RBMS3: variants seen among roughly 807,000 people sequenced by gnomAD.
The protein encoded by RBMS3 is RNA binding motif single stranded interacting protein 3.
In RBMS3, 27 loss-of-function variants were observed where a neutral mutation model predicts 66.8. That is an observed-to-expected ratio of 0.40 (90% confidence interval 0.30 to 0.56). The LOEUF is 0.56. RBMS3 is among the 20% of genes least tolerant of loss of function. RBMS3 has a pLI of 0.40. For missense variants in RBMS3, 513 were observed against 549.5 expected (o/e 0.93, Z 0.66); for synonymous variants, 188 against 183.0 (o/e 1.03, Z -0.22).
intron 4 of RBMS3, among the ~76,000 whole-genome samples, chr3:29,688,258 C>A (rs555721357): frequency 2.0e-5 from 3 of 152,216 alleles, no homozygotes; most frequent in Admixed American, 2.0e-4. Flanking sequence ...GATTTCCTAT[C>A]CCCATTTTCT....
chr3:29,497,688 C>A (rs867444015), intron 3 of RBMS3, among the ~76,000 whole-genome samples: 1 of 152,102 alleles, frequency 6.6e-6, no homozygotes, highest in Non-Finnish European at 1.5e-5. Flanking sequence ...TACCCCATCT[C>A]TCATCTCTCA....
intron 6 of RBMS3, among the ~76,000 whole-genome samples, chr3:29,852,492 G>A (rs1041880315): frequency 6.6e-6 from 1 of 152,036 alleles, no homozygotes; most frequent in African/African-American, 2.4e-5. Context: ...TTAACAAGTG[G>A]GCAAAGGACA....
At chr3:29,961,480 T>C (rs1420043231) in intron 12 of RBMS3, among the ~76,000 whole-genome samples, 1 of 152,232 alleles carries the variant, frequency 6.6e-6, no homozygotes, top group East Asian at 1.9e-4. Flanking sequence ...AGCACCCCAC[T>C]ACACAGTACC....
chr3:29,950,169 C>G (rs375044799), intron 12 of RBMS3, among the ~76,000 whole-genome samples: 1 of 151,806 alleles, frequency 6.6e-6, no homozygotes, highest in Non-Finnish European at 1.5e-5. Flanking sequence ...CCTGGGATGG[C>G]TGGAGATATG....
chr3:29,470,049 C>T (rs1438752185), intron 2 of RBMS3, among the ~76,000 whole-genome samples: 1 of 147,278 alleles, frequency 6.8e-6, no homozygotes, highest in African/African-American at 2.5e-5. Flanking sequence ...GAATAATATA[C>T]TGATTATATT....
At chr3:29,711,052 A>G (rs2053142965) in intron 4 of RBMS3, among the ~76,000 whole-genome samples, 1 of 152,204 alleles carries the variant, frequency 6.6e-6, no homozygotes, top group South Asian at 2.1e-4. Flanking sequence ...GGATGCCTGA[A>G]ATCACAGATA....
At chr3:29,329,231 G>C (rs1287829240) in intron 1 of RBMS3, among the ~76,000 whole-genome samples, 1 of 151,896 alleles carries the variant, frequency 6.6e-6, no homozygotes, top group Non-Finnish European at 1.5e-5. Flanking sequence ...TAACCCTTTT[G>C]GTTTTAGAGC....
At chr3:29,686,043 T>C (rs989046222) in intron 4 of RBMS3, among the ~76,000 whole-genome samples, 2 of 152,198 alleles carry the variant, frequency 1.3e-5, no homozygotes, top group African/African-American at 2.4e-5. Flanking sequence ...GGCAAGCACT[T>C]TACTATGGTA....
intron 1 of RBMS3, among the ~76,000 whole-genome samples, chr3:29,382,574 G>C (rs1034371982): frequency 1.3e-5 from 2 of 152,122 alleles, no homozygotes; most frequent in Admixed American, 1.3e-4. Flanking sequence ...ATTCTTCTAT[G>C]AGCACCGAAG....
chr3:29,387,603 G>A (rs191944358), intron 1 of RBMS3, among the ~76,000 whole-genome samples: 115 of 152,138 alleles, frequency 7.6e-4, no homozygotes, highest in African/African-American at 2.3e-3. Context: ...CAGAGTAAAC[G>A]TTTTAAAATG....
intron 7 of RBMS3, among the ~76,000 whole-genome samples, chr3:29,883,149 A>T (rs1436477282): frequency 6.6e-6 from 1 of 152,134 alleles, no homozygotes; most frequent in Non-Finnish European, 1.5e-5. Context: ...CCATGCTGAC[A>T]GTCCTGGTAA....
intron 6 of RBMS3, among the ~76,000 whole-genome samples, chr3:29,813,951 T>C (rs1187841610): frequency 6.6e-6 from 1 of 152,108 alleles, no homozygotes; most frequent in African/African-American, 2.4e-5. Context: ...CTTCCTCTTT[T>C]CCTAATTGAA....
chr3:29,332,408 T>G (rs2035718000), intron 1 of RBMS3, among the ~76,000 whole-genome samples: 1 of 152,164 alleles, frequency 6.6e-6, no homozygotes, highest in Non-Finnish European at 1.5e-5. Flanking sequence ...TCTCACTCTG[T>G]GTCATCCTCA....
At chr3:29,915,256 G>GT (rs1412622012) in intron 10 of RBMS3, among the ~76,000 whole-genome samples, 2 of 151,944 alleles carry the variant, frequency 1.3e-5, no homozygotes, top group East Asian at 1.9e-4. Flanking sequence ...TTTAAACCGT[G>GT]TTTTTCTCTA....
intron 4 of RBMS3, among the ~76,000 whole-genome samples, chr3:29,651,913 T>C (rs1368428158): frequency 3.5e-5 from 5 of 143,484 alleles, no homozygotes; most frequent in East Asian, 2.2e-4. Context: ...ACCATACTTA[T>C]ATTTTTCAGC....
intron 4 of RBMS3, among the ~76,000 whole-genome samples, chr3:29,664,654 C>T (rs545294465): frequency 3.3e-4 from 50 of 151,592 alleles, no homozygotes; most frequent in Admixed American, 3.3e-4. Context: ...GCCCAAACAC[C>T]AACCTGATAG....
intron 4 of RBMS3, among the ~76,000 whole-genome samples, chr3:29,728,242 A>T (rs1446186793): frequency 2.6e-5 from 4 of 152,140 alleles, no homozygotes; most frequent in African/African-American, 9.7e-5. Context: ...GGATTGGGAC[A>T]AATACCTAAC....
intron 3 of RBMS3, among the ~76,000 whole-genome samples, chr3:29,502,955 C>T (rs2044033818): frequency 6.6e-6 from 1 of 152,032 alleles, no homozygotes; most frequent in African/African-American, 2.4e-5. Flanking sequence ...TTTGGCTTGC[C>T]TCCCATATTT....
chr3:29,360,746 A>G (rs1264209318), intron 1 of RBMS3, among the ~76,000 whole-genome samples: 2 of 152,028 alleles, frequency 1.3e-5, no homozygotes, highest in Admixed American at 1.3e-4. Flanking sequence ...TTAGGTGTAT[A>G]TATATTTAGG....
Sources: gnomAD v4.1 joint callset for allele counts (sites outside exome capture counted in the v4.1 genomes callset) on GRCh38, gnomAD v4.1.1 for gene constraint, MANE v1.5 for transcripts, NCBI Gene and HGNC (gene_info 2026-07-23, HGNC 2026-07-21) for gene names.